Variants in SIPA1L1 observed in about 807,000 individuals in gnomAD.
SIPA1L1 encodes the protein signal-induced proliferation-associated 1-like protein 1.
Under a neutral mutation model 162.7 loss-of-function variants are expected in SIPA1L1, and 26 were observed. The ratio of observed to expected loss-of-function variants is 0.16; its 90% CI spans 0.12 to 0.22. The LOEUF is 0.22. Among genes scored for constraint, SIPA1L1 ranks in the 10% least tolerant of loss-of-function variants. SIPA1L1 has a pLI of 1.00. For missense variants in SIPA1L1, 1,874 were observed against 2,241.0 expected (o/e 0.84, Z 3.31); for synonymous variants, 829 against 837.4 (o/e 0.99, Z 0.17).
chr14:71,686,976 A>T (rs10873246), intron 13 of SIPA1L1, among the ~76,000 whole-genome samples: 2 of 152,134 alleles, frequency 1.3e-5, no homozygotes, highest in East Asian at 3.8e-4. Context: ...TCCAGTTTGG[A>T]AGCAGAGAGC....
chr14:71,464,087 G>A (rs1425317228), intron 2 of SIPA1L1, among the ~76,000 whole-genome samples: 1 of 152,182 alleles, frequency 6.6e-6, no homozygotes, highest in Non-Finnish European at 1.5e-5. Flanking sequence ...TGCAGGTGCT[G>A]CCCTCAGCAA....
chr14:71,384,736 T>C (rs2040180919), intron 2 of SIPA1L1, among the ~76,000 whole-genome samples: 1 of 152,202 alleles, frequency 6.6e-6, no homozygotes, highest in Admixed American at 6.5e-5. Context: ...TAAATTAAAC[T>C]CATTCTTTGG....
In SIPA1L1 at chr14:71,658,327, C is replaced by T. The variant is rs774079818; in HGVS notation, c.1994-6C>T. ...CATCTCATCATTATATTTTTTTTAA[C>T]TGTAGCTGACTCCACTGGAACCCAT... On this transcript the variant is annotated splice_region_variant and splice_polypyrimidine_tract_variant and intron_variant, in intron 8 of 23. Coordinates refer to ENST00000381232, the MANE Select transcript of SIPA1L1 (RefSeq NM_001386936.1). 1 of 1,454,594 alleles carries T rather than the reference C, an allele frequency of 6.9e-7. No homozygotes were observed. The highest frequency in any genetic ancestry group is 9.6e-7 in the Non-Finnish European group (1 of 1,036,962). The allele number at this position is 1,454,594 out of a possible 1,614,324, so 90.1% of individuals were successfully genotyped here. A position where few individuals can be genotyped will look rare whatever the true frequency, so the allele number is the denominator to read the frequency against.
chr14:71,581,621 A>G (rs1262597136), intron 4 of SIPA1L1, among the ~76,000 whole-genome samples: 2 of 152,172 alleles, frequency 1.3e-5, no homozygotes, highest in African/African-American at 4.8e-5. Context: ...TATTGGGTGA[A>G]TAAGTTTTTT....
intron 3 of SIPA1L1, among the ~76,000 whole-genome samples, chr14:71,515,919 G>A (rs2051681225): frequency 6.6e-6 from 1 of 152,182 alleles, no homozygotes; most frequent in African/African-American, 2.4e-5. Context: ...TGGGATTACA[G>A]GCGTGAGCCA....
intron 13 of SIPA1L1, among the ~76,000 whole-genome samples, chr14:71,686,724 T>C (rs7401916): frequency 2.2e-4 from 34 of 151,858 alleles, no homozygotes; most frequent in African/African-American, 7.7e-4. Context: ...TCAACTTCTT[T>C]CTGTCCATCC....
chr14:71,615,565 T>C (rs1173612392), intron 5 of SIPA1L1, among the ~76,000 whole-genome samples: 1 of 152,220 alleles, frequency 6.6e-6, no homozygotes, highest in African/African-American at 2.4e-5. Context: ...AGTATGGCAG[T>C]GGGCCTGGCA....
chr14:71,508,067 A>G (rs975407158), intron 2 of SIPA1L1, among the ~76,000 whole-genome samples: 4 of 152,146 alleles, frequency 2.6e-5, no homozygotes, highest in African/African-American at 9.7e-5. Flanking sequence ...AGAGGAGGAG[A>G]ATGCCTGTTT....
intron 4 of SIPA1L1, among the ~76,000 whole-genome samples, chr14:71,558,918 A>G (rs2056566473): frequency 6.6e-6 from 1 of 152,164 alleles, no homozygotes. Flanking sequence ...TCCTGGCCTC[A>G]AGTGATCCTC....
At chr14:71,409,590 T>C (rs2042264356) in intron 2 of SIPA1L1, among the ~76,000 whole-genome samples, 1 of 152,096 alleles carries the variant, frequency 6.6e-6, no homozygotes. Flanking sequence ...AGTAAAAGGA[T>C]TGGGCTAATC....
intron 5 of SIPA1L1, among the ~76,000 whole-genome samples, chr14:71,607,416 G>C (rs2037657170): frequency 6.6e-6 from 1 of 152,036 alleles, no homozygotes; most frequent in Non-Finnish European, 1.5e-5. Context: ...GGGGGCAGTG[G>C]CTTACTAATA....
At chr14:71,440,008 G>A (rs556605618) in intron 2 of SIPA1L1, among the ~76,000 whole-genome samples, 1 of 152,298 alleles carries the variant, frequency 6.6e-6, no homozygotes, top group South Asian at 2.1e-4. Flanking sequence ...TACAGGCCTT[G>A]CCCTCCTAAA....
At chr14:71,624,355 C>T (rs969235614) in intron 7 of SIPA1L1, 119 bp downstream of exon 7, 9 of 845,000 alleles carry the variant, frequency 1.1e-5, no homozygotes, top group South Asian at 2.3e-5. Context: ...TTGTGAAAGA[C>T]ACTCTCTTTG....
intron 2 of SIPA1L1, among the ~76,000 whole-genome samples, chr14:71,414,393 AAAAC>A (rs1368182708): frequency 6.6e-6 from 1 of 152,128 alleles, no homozygotes; most frequent in African/African-American, 2.4e-5. Flanking sequence ...AAAAAAAACA[AAAAC>A]AAAAACAAAA....
intron 8 of SIPA1L1, 119 bp from the exon 9 acceptor site, chr14:71,658,214 A>G (rs751977189): frequency 6.4e-6 from 4 of 625,662 alleles, no homozygotes; most frequent in Non-Finnish European, 1.1e-5. Context: ...TGTCTTGTCT[A>G]GAATCTTTTC....
chr14:71,623,383 T>C (rs540726720), intron 6 of SIPA1L1, among the ~76,000 whole-genome samples: 1 of 152,358 alleles, frequency 6.6e-6, no homozygotes, highest in East Asian at 1.9e-4. Context: ...TCTGGTTAAC[T>C]TTTCTCTGAA....
intron 2 of SIPA1L1, among the ~76,000 whole-genome samples, chr14:71,479,970 C>A (rs2142583871): frequency 6.6e-6 from 1 of 152,074 alleles, no homozygotes; most frequent in Middle Eastern, 3.4e-3. Flanking sequence ...AATTCCTGGG[C>A]TCAAGCGATC....
rs769059772 is a variant in SIPA1L1, at chr14:71,588,710, A to G, written c.838A>G (p.Lys280Glu). The change falls in exon 5 of 24, where the codon AAA becomes GAA. Residue 280 changes from lysine to glutamate, a missense_variant. Lys to Glu is a moderately conservative substitution (Grantham distance 56, BLOSUM62 1). Coordinates refer to ENST00000381232, the MANE Select transcript of SIPA1L1 (RefSeq NM_001386936.1). This position sits in a 1 kb window ranked among gnomAD's most constrained non-coding sequence, Gnocchi z 4.3. ...CCTCAGGCTTTTTAAGGAAAGGGAA[A>G]AACCACTCAAGCGACGTTCAAAATC... ...ENLRLFKERE[K>E]PLKRRSKSET... The G allele has an allele frequency of 4.3e-6, 7 of 1,613,932 alleles. No homozygotes were observed. The highest frequency in any genetic ancestry group is 5.9e-6 in the Non-Finnish European group (7 of 1,179,978).
chr14:71,429,627 C>T (rs921656986), intron 2 of SIPA1L1, among the ~76,000 whole-genome samples: 1 of 152,096 alleles, frequency 6.6e-6, no homozygotes, highest in Non-Finnish European at 1.5e-5. Context: ...GCATGTTTCT[C>T]TATGCAGTTG....
Sources: allele counts gnomAD v4.1 joint callset (sites outside exome capture counted in the v4.1 genomes callset), GRCh38; gene constraint gnomAD v4.1.1; non-coding constraint Gnocchi (gnomAD v3.1); transcripts MANE v1.5; gene names NCBI Gene and HGNC (gene_info 2026-07-23, HGNC 2026-07-21).